The following RNF180 variants were observed in gnomAD, a reference collection of about 807,000 sequenced individuals.
RNF180 encodes the protein ring finger protein 180, also known as E3 ubiquitin-protein ligase RNF180.
RNF180 carries 38 observed loss-of-function variants against 59.2 expected under a neutral mutation model. That is an observed-to-expected ratio of 0.64 (90% CI 0.50 to 0.84). The LOEUF (loss-of-function observed/expected upper bound fraction) is 0.84, where lower values mean the gene tolerates loss of function less well. RNF180 is among the 40% of genes least tolerant of loss of function. RNF180 has a pLI of 0.00. For synonymous variants in RNF180, 262 were observed against 240.3 expected, an observed-to-expected ratio of 1.09 and a Z score of -0.84; for missense variants, 705 against 700.9, an observed-to-expected ratio of 1.01 and a Z score of -0.07.
At chr5:64,245,092 C>G (rs959489856) in intron 5 of RNF180, among the ~76,000 whole-genome samples, 7 of 152,180 alleles carry the variant, frequency 4.6e-5, no homozygotes, top group African/African-American at 7.2e-5. Context: ...GAAGGAAGCA[C>G]TAAATATCGA....
At chr5:64,368,300 G>A (rs2112619973) in intron 7 of RNF180, among the ~76,000 whole-genome samples, 1 of 151,828 alleles carries the variant, frequency 6.6e-6, no homozygotes, top group Non-Finnish European at 1.5e-5. Context: ...TAAGATACAA[G>A]GTTAAGTTGG....
At chr5:64,369,254 G>A (rs1450230212) in intron 7 of RNF180, among the ~76,000 whole-genome samples, 1 of 151,848 alleles carries the variant, frequency 6.6e-6, no homozygotes, top group Admixed American at 6.6e-5. Flanking sequence ...GATGGGAATC[G>A]AACAGTGAGA....
At chr5:64,295,231 A>G (rs918326473) in intron 5 of RNF180, among the ~76,000 whole-genome samples, 1 of 152,100 alleles carries the variant, frequency 6.6e-6, no homozygotes, top group Non-Finnish European at 1.5e-5. Flanking sequence ...TGGCCTAGCA[A>G]CCACCTCAAA....
At chr5:64,265,235 A>T (rs1744589109) in intron 5 of RNF180, among the ~76,000 whole-genome samples, 1 of 152,042 alleles carries the variant, frequency 6.6e-6, no homozygotes, top group African/African-American at 2.4e-5. Flanking sequence ...GTTTAATTAG[A>T]TCCCATTTAT....
chr5:64,221,393 T>C (rs986959391), intron 5 of RNF180, among the ~76,000 whole-genome samples: 1 of 152,174 alleles, frequency 6.6e-6, no homozygotes, highest in Admixed American at 6.5e-5. Context: ...AAGAGCATCA[T>C]GACCTTTAGT....
intron 1 of RNF180, among the ~76,000 whole-genome samples, chr5:64,171,747 C>T (rs982882845): frequency 2.0e-5 from 3 of 152,176 alleles, no homozygotes; most frequent in Non-Finnish European, 2.9e-5. Context: ...TACCAAGTGG[C>T]TGTCTTGGCC....
intron 1 of RNF180, among the ~76,000 whole-genome samples, chr5:64,173,405 A>T (rs182052656): frequency 6.6e-6 from 1 of 152,162 alleles, no homozygotes; most frequent in East Asian, 1.9e-4. Flanking sequence ...GTTCTGATAC[A>T]TGTATATGTT....
intron 1 of RNF180, among the ~76,000 whole-genome samples, chr5:64,188,651 C>T (rs939735671): frequency 6.6e-6 from 1 of 152,122 alleles, no homozygotes; most frequent in East Asian, 1.9e-4. Flanking sequence ...TTGGTCATTT[C>T]TCTTCTTGAT....
intron 7 of RNF180, among the ~76,000 whole-genome samples, chr5:64,335,431 G>C (rs1745082165): frequency 6.6e-6 from 1 of 151,862 alleles, no homozygotes; most frequent in African/African-American, 2.4e-5. Context: ...TAATTTGAAA[G>C]ATCTTTGAAA....
At chr5:64,191,045 ACTT>A (rs1561177187) in intron 1 of RNF180, among the ~76,000 whole-genome samples, 2 of 152,182 alleles carry the variant, frequency 1.3e-5, no homozygotes, top group South Asian at 2.1e-4. Context: ...ACAAAAGTAA[ACTT>A]CTCCTTTTTT....
intron 1 of RNF180, among the ~76,000 whole-genome samples, chr5:64,191,973 T>C (rs1165501852): frequency 6.6e-6 from 1 of 152,076 alleles, no homozygotes; most frequent in African/African-American, 2.4e-5. Flanking sequence ...TTGCATATGG[T>C]GTAAGATAGG....
At chr5:64,231,571 C>T (rs1742105349) in intron 5 of RNF180, among the ~76,000 whole-genome samples, 1 of 152,074 alleles carries the variant, frequency 6.6e-6, no homozygotes, top group Admixed American at 6.6e-5. Flanking sequence ...TATATAGGTC[C>T]CAAATCATTA....
intron 1 of RNF180, among the ~76,000 whole-genome samples, chr5:64,181,709 G>A (rs1369232274): frequency 2.0e-5 from 3 of 152,200 alleles, no homozygotes; most frequent in East Asian, 1.9e-4. Flanking sequence ...CTGTAATCTC[G>A]CTGTGTGTAC....
chr5:64,274,654 C>G (rs1387097606), intron 5 of RNF180, among the ~76,000 whole-genome samples: 5 of 151,958 alleles, frequency 3.3e-5, no homozygotes, highest in Non-Finnish European at 7.4e-5. Flanking sequence ...AGTGCTAATT[C>G]AGCCTCACAG....
chr5:64,212,028 C>T (rs1256141487), intron 2 of RNF180, 37 bp from the exon 3 acceptor site: 1 of 1,148,894 alleles, frequency 8.7e-7, no homozygotes, highest in South Asian at 1.3e-5. Context: ...AAATTCTGAA[C>T]TGGTAATTAG....
At chr5:64,190,995 G>A (rs188415669) in intron 1 of RNF180, among the ~76,000 whole-genome samples, 38 of 152,276 alleles carry the variant, frequency 2.5e-4, no homozygotes, top group Admixed American at 3.9e-4. Flanking sequence ...GAAAAGCAGC[G>A]TTGATACTAA....
chr5:64,225,551 T>C (rs566929044), intron 5 of RNF180, among the ~76,000 whole-genome samples: 93 of 144,316 alleles, frequency 6.4e-4, no homozygotes, highest in African/African-American at 2.4e-3. Flanking sequence ...GAGGAGCGCC[T>C]CTGCCTGGCT....
At chr5:64,198,787 A>G (rs1267019070) in intron 1 of RNF180, among the ~76,000 whole-genome samples, 1 of 152,164 alleles carries the variant, frequency 6.6e-6, no homozygotes, top group Non-Finnish European at 1.5e-5. Flanking sequence ...CAATGAAGAA[A>G]GGGGAGGGCA....
At chr5:64,340,635 G>A (rs1280819774) in intron 7 of RNF180, among the ~76,000 whole-genome samples, 1 of 152,072 alleles carries the variant, frequency 6.6e-6, no homozygotes, top group African/African-American at 2.4e-5. Context: ...GGAGCTGAAA[G>A]GTACATTAAC....
Sources: allele counts gnomAD v4.1 joint callset (sites outside exome capture counted in the v4.1 genomes callset), GRCh38; gene constraint gnomAD v4.1.1; transcripts MANE v1.5; gene names NCBI Gene and HGNC (gene_info 2026-07-23, HGNC 2026-07-21).